Variants in RCC1 observed in about 807,000 individuals in gnomAD.
RCC1 encodes the protein regulator of chromosome condensation.
In RCC1, 11 loss-of-function variants were observed where a neutral mutation model predicts 44.4. That is an observed-to-expected ratio of 0.25 (90% confidence interval 0.16 to 0.41). The LOEUF (loss-of-function observed/expected upper bound fraction) is 0.41, where lower values mean the gene tolerates loss of function less well. Ranked by LOEUF, RCC1 falls within the 10% of genes least tolerant of loss-of-function variation. The probability of loss-of-function intolerance (pLI) is 1.00; values close to 1 mark genes in which losing one functional copy is unlikely to be tolerated. For synonymous variants in RCC1, 213 were observed against 216.5 expected, an observed-to-expected ratio of 0.98 and a Z score of 0.14; for missense variants, 386 against 547.1, an observed-to-expected ratio of 0.71 and a Z score of 2.94.
chr1:28,531,086 T>A (rs1356445769), intron 5 of RCC1, among the ~76,000 whole-genome samples: 10 of 151,916 alleles, frequency 6.6e-5, no homozygotes, highest in African/African-American at 2.2e-4. Flanking sequence ...AAAATTAGCC[T>A]TGCGCGGTGG....
rs1444950938 is a variant in RCC1, at chr1:28,538,114, G to C, written c.*107G>C. 3.1e-6 allele frequency: 3 copies of C among 968,604 alleles called. No homozygotes were observed. The highest frequency in any genetic ancestry group is 4.5e-6 in the Non-Finnish European group (3 of 663,508). 60.0% of individuals were successfully genotyped at this position (968,604 alleles called of 1,614,324 possible). On this transcript the variant is annotated 3_prime_UTR_variant, in exon 13 of 13. Transcript: ENST00000683442. ...GGGCCTCTCCCCAGCCCTGAGCACTGTGTCAGTTCCTGCCTTTTCTCATCA... is the reference window on the plus strand; with the variant it reads ...GGGCCTCTCCCCAGCCCTGAGCACTCTGTCAGTTCCTGCCTTTTCTCATCA...
chr1:28,528,830 G>C (rs1372602753), intron 4 of RCC1, among the ~76,000 whole-genome samples: 1 of 146,752 alleles, frequency 6.8e-6, no homozygotes, highest in African/African-American at 2.5e-5. Flanking sequence ...ATGGATGATA[G>C]GCTGTTTTTC....
intron 5 of RCC1, among the ~76,000 whole-genome samples, chr1:28,531,256 TTTC>T (rs1239955388): frequency 7.2e-6 from 1 of 138,232 alleles, no homozygotes; most frequent in Non-Finnish European, 1.6e-5. Flanking sequence ...TTAGCTTTCT[TTTC>T]TTTTTCTTTT....
intron 1 of RCC1, chr1:28,506,293 T>C (rs1372358712): frequency 2.2e-6 from 1 of 445,288 alleles, no homozygotes; most frequent in South Asian, 1.6e-5. Flanking sequence ...CAAGCGATTC[T>C]CGTGCCTCAG....
chr1:28,508,829 G>A lies in RCC1; in HGVS notation c.-228-1G>A, dbSNP rs975745834. ...TCTAATCATTATTTCTTTTCTTTTAGGAGAGAAGACGATCTGCACTTCGCA... is the reference window on the plus strand; with the variant it reads ...TCTAATCATTATTTCTTTTCTTTTAAGAGAGAAGACGATCTGCACTTCGCA... On this transcript the variant is annotated splice_acceptor_variant, in intron 2 of 12. Transcript: ENST00000683442. LOFTEE classifies it low-confidence loss of function (5UTR_SPLICE). The A allele has an allele frequency of 1.9e-6, 1 of 517,340 alleles. No homozygotes were observed. The highest frequency in any genetic ancestry group is 2.0e-5 in the Admixed American group (1 of 51,248). The allele number at this position is 517,340 out of a possible 1,614,324, so 32.0% of individuals were successfully genotyped here.
intron 4 of RCC1, among the ~76,000 whole-genome samples, chr1:28,528,593 G>A (rs1201148639): frequency 1.3e-5 from 2 of 152,026 alleles, no homozygotes; most frequent in Admixed American, 6.6e-5. Flanking sequence ...ATGCCTGTGC[G>A]CTCCAGCCTG....
At chr1:28,530,888 G>A (rs1207524644) in intron 5 of RCC1, among the ~76,000 whole-genome samples, 1 of 152,206 alleles carries the variant, frequency 6.6e-6, no homozygotes, top group African/African-American at 2.4e-5. Context: ...ACTGGCGGAC[G>A]GCTTGGGCAT....
intron 4 of RCC1, among the ~76,000 whole-genome samples, chr1:28,517,588 G>GA (rs1035808273): frequency 2.0e-5 from 3 of 152,134 alleles, no homozygotes; most frequent in South Asian, 2.1e-4. Flanking sequence ...AACTCACGGG[G>GA]AAAAAAATCT....
intron 3 of RCC1, among the ~76,000 whole-genome samples, chr1:28,514,813 CATCCCAGCACTTTGGG>C (rs1418889996): frequency 6.6e-6 from 1 of 151,762 alleles, no homozygotes; most frequent in Non-Finnish European, 1.5e-5. Context: ...GCCTGTAATC[CATCCCAGCACTTTGGG>C]AAGCCAAGGC....
chr1:28,507,600 CT>C (rs34452349), intron 1 of RCC1: 74,741 of 340,978 alleles, frequency 0.22, 2,141 homozygotes, highest in African/African-American at 0.31. Flanking sequence ...GGATTGAAGT[CT>C]TTTTTTTTTT....
chr1:28,524,111 G>A (rs552773095), intron 4 of RCC1, among the ~76,000 whole-genome samples: 2 of 152,272 alleles, frequency 1.3e-5, no homozygotes, highest in East Asian at 1.9e-4. Flanking sequence ...CACCGTGCCC[G>A]GCCACAAAGA....
intron 3 of RCC1, chr1:28,510,619 A>C (rs1386750615): frequency 6.6e-6 from 1 of 152,240 alleles, no homozygotes; most frequent in Non-Finnish European, 1.5e-5. Context: ...ATCTTCCTAA[A>C]GCAATTGTAT....
chr1:28,527,711 A>C (rs1450716275), intron 4 of RCC1, among the ~76,000 whole-genome samples: 3 of 152,172 alleles, frequency 2.0e-5, no homozygotes, highest in African/African-American at 7.2e-5. Context: ...CAGACTTAAA[A>C]ATTTTTTAAA....
rs2124674311 is a variant in RCC1, at chr1:28,538,179, T to C, written c.*172T>C. ...TTTTCCTCTTTTCCTTCCTCCTCTT[T>C]GGAATTTTCCTGGGACCTACAGAAT... is the stretch of plus-strand genomic sequence containing the variant. On this transcript the variant is annotated 3_prime_UTR_variant, in exon 13 of 13. Coordinates refer to ENST00000683442, the MANE Select transcript of RCC1 (RefSeq NM_001381865.2). 1 of 526,498 alleles carries C rather than the reference T, an allele frequency of 1.9e-6. No homozygotes were observed. Among genetic ancestry groups the C allele is most frequent in the East Asian group, 3.8e-5 (1 of 26,618 alleles). The allele number at this position is 526,498 out of a possible 1,614,324, so 32.6% of individuals were successfully genotyped here.
chr1:28,530,443 G>T, intron 5 of RCC1: 1 of 1,328,474 alleles, frequency 7.5e-7, no homozygotes. Context: ...CCCGGAGGGG[G>T]ACAGGGAGGA....
At chr1:28,514,685 T>C (rs1258558729) in intron 3 of RCC1, among the ~76,000 whole-genome samples, 7 of 149,878 alleles carry the variant, frequency 4.7e-5, no homozygotes, top group Non-Finnish European at 7.4e-5. Context: ...TGCTTGAACC[T>C]GGGAGGCAGA....
At chr1:28,510,405 A>G (rs1363717506) in intron 3 of RCC1, 1 of 152,260 alleles carries the variant, frequency 6.6e-6, no homozygotes, top group African/African-American at 2.4e-5. Flanking sequence ...AGGCTAAGGC[A>G]GGCGGATCAC....
At chr1:28,533,845 C>CTTTTT (rs1168443435) in intron 7 of RCC1, among the ~76,000 whole-genome samples, 25 of 46,846 alleles carry the variant, frequency 5.3e-4, no homozygotes, top group South Asian at 1.1e-3. Context: ...CTTTTCTTTT[C>CTTTTT]TTTTTTTTTT....
chr1:28,514,407 G>A (rs1662752998), intron 3 of RCC1, among the ~76,000 whole-genome samples: 1 of 149,552 alleles, frequency 6.7e-6, no homozygotes, highest in East Asian at 2.0e-4. Context: ...CCAAGATCGC[G>A]CCACTGCACT....
Sources: allele counts gnomAD v4.1 joint callset (sites outside exome capture counted in the v4.1 genomes callset), GRCh38; gene constraint gnomAD v4.1.1; transcripts MANE v1.5; gene names NCBI Gene and HGNC (gene_info 2026-07-23, HGNC 2026-07-21).